Variants in MFSD12 observed in about 807,000 individuals in gnomAD.
MFSD12 encodes major facilitator superfamily domain-containing protein 12.
Under a neutral mutation model 51.2 loss-of-function variants are expected in MFSD12, and 67 were observed. That is an observed-to-expected ratio of 1.31 (90% CI 1.08 to 1.60). The LOEUF (loss-of-function observed/expected upper bound fraction) is 1.60, where lower values mean the gene tolerates loss of function less well. Ranked by LOEUF, MFSD12 falls within the 40% of genes most tolerant of loss-of-function variation. MFSD12 has a pLI of 0.00. For missense variants in MFSD12, 921 were observed against 673.0 expected (o/e 1.37, Z -4.08); for synonymous variants, 441 against 316.7 (o/e 1.39, Z -4.17).
At chr19:3,538,753 C>T (rs1419702161) in exon 5 of MFSD12, 3 of 497,018 alleles carry the variant, frequency 6.0e-6, no homozygotes, top group South Asian at 1.5e-5. Context: ...GTGCAGGTCT[C>T]ATCCTGGGTG....
chr19:3,548,349 G>A (rs2031252065), intron 2 of MFSD12, 82 bp from the exon 3 acceptor site: 5 of 1,507,850 alleles, frequency 3.3e-6, no homozygotes, highest in South Asian at 1.2e-5. Context: ...CCGTCAGAGA[G>A]GCCTGGGGAA....
intron 4 of MFSD12, 61 bp from the exon 5 acceptor site, chr19:3,547,608 G>T: frequency 6.8e-7 from 1 of 1,470,102 alleles, no homozygotes; most frequent in Non-Finnish European, 9.3e-7. Flanking sequence ...ACTCCCACCA[G>T]CAGGGGGCAC....
intron 2 of MFSD12, among the ~76,000 whole-genome samples, chr19:3,550,064 C>T (rs986060860): frequency 2.6e-5 from 4 of 152,098 alleles, no homozygotes; most frequent in Admixed American, 1.3e-4. Flanking sequence ...CCGTGATCTC[C>T]ACAGGTGCAA....
rs1049253576 is a variant in MFSD12, at chr19:3,548,118, C to G, written c.654+5G>C. ...TTCAGGCGACCCACCCGGACTCCAG[C>G]TCACCCGGAACACGGGCACGTCCTG... On this transcript the variant is annotated splice_donor_5th_base_variant and intron_variant, in intron 3 of 9. Coordinates refer to ENST00000355415, the MANE Select transcript of MFSD12 (RefSeq NM_174983.5). The G allele has an allele frequency of 6.2e-6, 10 of 1,605,998 alleles. No homozygotes were observed. Among genetic ancestry groups the G allele is most frequent in the Non-Finnish European group, 8.5e-6 (10 of 1,178,962 alleles).
downstream of MFSD12, chr19:3,540,038 GC>G (rs2030228958): frequency 6.6e-6 from 1 of 151,426 alleles, no homozygotes; most frequent in Non-Finnish European, 1.5e-5. Context: ...GATCACTTGA[GC>G]CCAGGAGTTC....
intron 4 of MFSD12, 132 bp downstream of exon 4, chr19:3,547,716 G>T: frequency 8.2e-7 from 1 of 1,215,078 alleles, no homozygotes; most frequent in South Asian, 1.5e-5. Flanking sequence ...CTTGATGAGT[G>T]ACGTTTGCCC....
At chr19:3,550,415 G>A (rs775948561) in intron 2 of MFSD12, among the ~76,000 whole-genome samples, 18 of 151,034 alleles carry the variant, frequency 1.2e-4, no homozygotes, top group African/African-American at 3.2e-4. Flanking sequence ...TTTTTGAGAC[G>A]GAATCTCGCT....
downstream of MFSD12, chr19:3,544,072 C>A: frequency 6.8e-7 from 1 of 1,464,798 alleles, no homozygotes. Flanking sequence ...CTAACCTAGT[C>A]CCAGGGGACC....
chr19:3,556,824 A>C (rs1220253298), intron 1 of MFSD12, among the ~76,000 whole-genome samples: 4 of 149,946 alleles, frequency 2.7e-5, no homozygotes, highest in African/African-American at 9.9e-5. Context: ...GGACTGATGG[A>C]GGAAGCTCAG....
At chr19:3,550,885 G>T in intron 2 of MFSD12, 99 bp downstream of exon 2, 1 of 983,744 alleles carries the variant, frequency 1.0e-6, no homozygotes, top group South Asian at 1.5e-5. Flanking sequence ...GCCTGGTCTC[G>T]AGCTGCCGAG....
chr19:3,539,576 T>C (rs1369442362), downstream of MFSD12: 5 of 351,924 alleles, frequency 1.4e-5, no homozygotes, highest in East Asian at 2.3e-4. Flanking sequence ...GCTGGGCCCT[T>C]CTGTGGCTGA....
downstream of MFSD12, chr19:3,541,519 C>CGCT (rs2030412816): frequency 3.9e-6 from 1 of 254,134 alleles, no homozygotes; most frequent in Non-Finnish European, 6.2e-6. Flanking sequence ...GACAGTGTTT[C>CGCT]ACCATGTTGG....
chr19:3,538,722 C>T (rs370098079), exon 5 of MFSD12: 79 of 476,974 alleles, frequency 1.7e-4, no homozygotes, highest in Non-Finnish European at 2.1e-4. Flanking sequence ...TGTCACAAAT[C>T]GTGCTGCTGT....
intron 4 of MFSD12, 111 bp from the exon 5 acceptor site, chr19:3,547,658 A>G: frequency 8.3e-7 from 1 of 1,198,120 alleles, no homozygotes; most frequent in Non-Finnish European, 1.2e-6. Flanking sequence ...CATTTGATCC[A>G]TTGGTAGTGA....
intron 8 of MFSD12, among the ~76,000 whole-genome samples, chr19:3,545,765 A>T (rs10426380): frequency 6.6e-6 from 1 of 152,088 alleles, no homozygotes; most frequent in African/African-American, 2.4e-5. Flanking sequence ...AGAACCATCC[A>T]TGTCTGAACC....
chr19:3,540,385 G>T (rs1365459375), downstream of MFSD12, among the ~76,000 whole-genome samples: 1 of 151,668 alleles, frequency 6.6e-6, no homozygotes, highest in African/African-American at 2.4e-5. Context: ...AGCCTCCCAA[G>T]TAGCTGGGAT....
chr19:3,544,523 T>G lies in MFSD12; in HGVS notation c.*187A>C. ...TGGGACACCCTCAAAACCCAGGGGG[T>G]CCTTGCAAGTCCCTGGCGGGCATCC... On this transcript the variant is annotated 3_prime_UTR_variant, in exon 10 of 10. Coordinates refer to ENST00000355415, the MANE Select transcript of MFSD12 (RefSeq NM_174983.5). 1 of 1,399,728 alleles carries G rather than the reference T, an allele frequency of 7.1e-7. No individual in the cohort carries two copies. Among genetic ancestry groups the G allele is most frequent in the South Asian group, 1.7e-5 (1 of 59,500 alleles). 86.7% of individuals were successfully genotyped at this position (1,399,728 alleles called of 1,614,324 possible).
downstream of MFSD12, chr19:3,543,315 G>C (rs1237516199): frequency 1.5e-5 from 23 of 1,549,188 alleles, no homozygotes; most frequent in African/African-American, 2.7e-5. Context: ...ACGCCCATGG[G>C]ACGGGACGCA....
At chr19:3,556,080 G>C (rs1429902498) in intron 1 of MFSD12, among the ~76,000 whole-genome samples, 2 of 152,168 alleles carry the variant, frequency 1.3e-5, no homozygotes, top group Non-Finnish European at 2.9e-5. Context: ...TGCAAGAACA[G>C]GGCAGAGACC....
Sources: allele counts gnomAD v4.1 joint callset (sites outside exome capture counted in the v4.1 genomes callset), GRCh38; gene constraint gnomAD v4.1.1; transcripts MANE v1.5; gene names NCBI Gene and HGNC (gene_info 2026-07-23, HGNC 2026-07-21).